The following LYPLAL1 variants were observed in gnomAD, a reference collection of about 807,000 sequenced individuals.
LYPLAL1 encodes the protein lysophospholipase-like protein 1.
Under a neutral mutation model 19.7 loss-of-function variants are expected in LYPLAL1, and 23 were observed. The observed-to-expected ratio is 1.17, with a 90% confidence interval of 0.84 to 1.65. The LOEUF (loss-of-function observed/expected upper bound fraction) is 1.65. Among genes scored for constraint, LYPLAL1 ranks in the 40% most tolerant of loss-of-function variants. The pLI is 0.00. For missense variants in LYPLAL1, 355 were observed against 279.4 expected (o/e 1.27, Z -1.93); for synonymous variants, 119 against 96.3 (o/e 1.24, Z -1.38).
chr1:219,313,366 G>A, the LYPLAL1 span, among the ~76,000 whole-genome samples: 3 of 152,128 alleles, frequency 2.0e-5, no homozygotes, highest in African/African-American at 7.2e-5. Context: ...TAAGGTTATA[G>A]CTTTTATCCT....
chr1:219,419,815 C>G, the LYPLAL1 span, among the ~76,000 whole-genome samples: 1 of 152,232 alleles, frequency 6.6e-6, no homozygotes, highest in Non-Finnish European at 1.5e-5. Flanking sequence ...GGTAAACAAC[C>G]TGGAGTATCT....
chr1:219,249,676 T>C, the LYPLAL1 span, among the ~76,000 whole-genome samples: 2 of 152,032 alleles, frequency 1.3e-5, no homozygotes, highest in African/African-American at 4.8e-5. Flanking sequence ...AAAGTACTAG[T>C]TGCTTCATAT....
chr1:219,368,613 C>A, the LYPLAL1 span, among the ~76,000 whole-genome samples: 1 of 152,178 alleles, frequency 6.6e-6, no homozygotes, highest in Non-Finnish European at 1.5e-5. Flanking sequence ...ACTAAGCCAC[C>A]AACAGTGTCT....
At chr1:219,404,411 A>G in the LYPLAL1 span, among the ~76,000 whole-genome samples, 1 of 152,224 alleles carries the variant, frequency 6.6e-6, no homozygotes, top group Admixed American at 6.5e-5. Context: ...TTTGTAAATA[A>G]GGAGACCCTT....
At chr1:219,384,347 AC>A in the LYPLAL1 span, among the ~76,000 whole-genome samples, 2 of 152,222 alleles carry the variant, frequency 1.3e-5, no homozygotes, top group African/African-American at 4.8e-5. Flanking sequence ...ACAAAGAATA[AC>A]CACTTGCAGT....
At chr1:219,181,541 T>G (rs1656285764) in intron 2 of LYPLAL1, among the ~76,000 whole-genome samples, 1 of 152,210 alleles carries the variant, frequency 6.6e-6, no homozygotes, top group African/African-American at 2.4e-5. Flanking sequence ...GAAACTGGCA[T>G]AAACAAATTT....
chr1:219,179,309 T>G, intron 2 of LYPLAL1, 63 bp downstream of exon 2: 1 of 1,164,786 alleles, frequency 8.6e-7, no homozygotes, highest in Non-Finnish European at 1.3e-6. Flanking sequence ...TATAGAGAGA[T>G]GTGCCAGCTA....
At chr1:219,325,062 C>T in the LYPLAL1 span, among the ~76,000 whole-genome samples, 1 of 151,914 alleles carries the variant, frequency 6.6e-6, no homozygotes, top group African/African-American at 2.4e-5. Flanking sequence ...TCTTTGTTTT[C>T]AAAAAAACAT....
At chr1:219,429,859 C>A in the LYPLAL1 span, among the ~76,000 whole-genome samples, 1 of 152,062 alleles carries the variant, frequency 6.6e-6, no homozygotes, top group African/African-American at 2.4e-5. Flanking sequence ...AGTATGATCC[C>A]TGCCCTCAAG....
At chr1:219,194,197 C>A (rs1428301835) in intron 3 of LYPLAL1, among the ~76,000 whole-genome samples, 1 of 151,836 alleles carries the variant, frequency 6.6e-6, no homozygotes, top group South Asian at 2.1e-4. Flanking sequence ...TCCTTAGTTT[C>A]CTCATTATGT....
the LYPLAL1 span, among the ~76,000 whole-genome samples, chr1:219,229,702 G>A: frequency 6.6e-6 from 1 of 152,210 alleles, no homozygotes; most frequent in Middle Eastern, 3.2e-3. Context: ...CTGCTGTGGG[G>A]TCGGAGCCCC....
chr1:219,242,313 A>G, the LYPLAL1 span, among the ~76,000 whole-genome samples: 4 of 152,172 alleles, frequency 2.6e-5, no homozygotes, highest in South Asian at 6.2e-4. Flanking sequence ...CTGGTCTCCA[A>G]CCTTCTGTTA....
chr1:219,394,646 T>G, the LYPLAL1 span, among the ~76,000 whole-genome samples: 1 of 152,224 alleles, frequency 6.6e-6, no homozygotes, highest in East Asian at 1.9e-4. Flanking sequence ...AGCTTTTATT[T>G]TAAGTCCAGG....
chr1:219,263,645 T>G, the LYPLAL1 span, among the ~76,000 whole-genome samples: 1 of 152,062 alleles, frequency 6.6e-6, no homozygotes, highest in Non-Finnish European at 1.5e-5. Flanking sequence ...AGGACCCCTG[T>G]GAGATAGAGT....
intron 3 of LYPLAL1, among the ~76,000 whole-genome samples, chr1:219,204,533 A>G (rs1367042990): frequency 6.6e-6 from 1 of 152,254 alleles, no homozygotes; most frequent in Non-Finnish European, 1.5e-5. Context: ...TAGAAAGTAC[A>G]TATGGTAGAG....
At chr1:219,340,344 G>T in the LYPLAL1 span, among the ~76,000 whole-genome samples, 1 of 151,854 alleles carries the variant, frequency 6.6e-6, no homozygotes, top group Non-Finnish European at 1.5e-5. Flanking sequence ...TTAACCCCAG[G>T]CTCAAACCAC....
chr1:219,203,844 G>C (rs1014569095), intron 3 of LYPLAL1, among the ~76,000 whole-genome samples: 52 of 152,144 alleles, frequency 3.4e-4, no homozygotes, highest in African/African-American at 1.2e-3. Context: ...AAATGCAATA[G>C]ATCTAGTAGA....
At chr1:219,350,540 T>C in the LYPLAL1 span, among the ~76,000 whole-genome samples, 1 of 152,328 alleles carries the variant, frequency 6.6e-6, no homozygotes, top group South Asian at 2.1e-4. Context: ...TACATTTCAC[T>C]GGGTTCAGGG....
At chr1:219,390,898 G>C in the LYPLAL1 span, among the ~76,000 whole-genome samples, 6 of 152,104 alleles carry the variant, frequency 3.9e-5, no homozygotes, top group Admixed American at 3.9e-4. Flanking sequence ...ATTAACTTCT[G>C]CACCTCATTT....
Sources: gnomAD v4.1 joint callset for allele counts (sites outside exome capture counted in the v4.1 genomes callset) on GRCh38, gnomAD v4.1.1 for gene constraint, MANE v1.5 for transcripts, NCBI Gene and HGNC (gene_info 2026-07-23, HGNC 2026-07-21) for gene names.